Variants in SUCLG2 observed in about 807,000 individuals in gnomAD.
SUCLG2 encodes the protein succinate-CoA ligase GDP-forming subunit beta.
A neutral mutation model predicts 47.9 loss-of-function variants in SUCLG2; 42 were observed. That is an observed-to-expected ratio of 0.88 (90% CI 0.69 to 1.14). SUCLG2 has a LOEUF of 1.14. Ranked by LOEUF, SUCLG2 falls within the 50% of genes most tolerant of loss-of-function variation. The pLI is 0.00. For missense variants in SUCLG2, 571 were observed against 525.9 expected, an observed-to-expected ratio of 1.09 and a Z score of -0.84; for synonymous variants, 195 against 197.3, an observed-to-expected ratio of 0.99 and a Z score of 0.10.
intron 7 of SUCLG2, among the ~76,000 whole-genome samples, chr3:67,500,192 T>A (rs992330639): frequency 1.3e-5 from 2 of 152,272 alleles, no homozygotes; most frequent in South Asian, 2.1e-4. Flanking sequence ...GTGGCTATAA[T>A]CTCCTAATTA....
intron 2 of SUCLG2, among the ~76,000 whole-genome samples, chr3:67,584,129 G>A (rs1211887816): frequency 5.3e-5 from 8 of 152,180 alleles, no homozygotes; most frequent in African/African-American, 1.7e-4. Context: ...AATCGTGATA[G>A]CCAAAAATTC....
intron 10 of SUCLG2, 52 bp from the exon 11 acceptor site, chr3:67,375,911 A>G: frequency 6.3e-7 from 1 of 1,585,566 alleles, no homozygotes; most frequent in Non-Finnish European, 8.6e-7. Flanking sequence ...GTGGCGCCTT[A>G]TGAAGTTTGC....
At chr3:67,395,271 G>A (rs902303253) in intron 10 of SUCLG2, among the ~76,000 whole-genome samples, 8 of 152,040 alleles carry the variant, frequency 5.3e-5, no homozygotes, top group Non-Finnish European at 1.0e-4. Flanking sequence ...CTGTATTCAG[G>A]AAACCCATCT....
chr3:67,553,419 C>CA (rs895003488), intron 2 of SUCLG2, among the ~76,000 whole-genome samples: 3 of 152,180 alleles, frequency 2.0e-5, no homozygotes, highest in African/African-American at 7.2e-5. Context: ...GTTCAACTTG[C>CA]AAATCTTATC....
At chr3:67,591,688 C>G (rs991593543) in intron 2 of SUCLG2, among the ~76,000 whole-genome samples, 1 of 152,146 alleles carries the variant, frequency 6.6e-6, no homozygotes, top group African/African-American at 2.4e-5. Flanking sequence ...CCAATTAAAT[C>G]TTTTTTTCTT....
chr3:67,529,063 A>G (rs1370366720), intron 3 of SUCLG2, 24 bp downstream of exon 3: 1 of 1,579,316 alleles, frequency 6.3e-7, no homozygotes, highest in Non-Finnish European at 8.6e-7. Flanking sequence ...CCAAAAGACA[A>G]GGAATAACAA....
intron 9 of SUCLG2, among the ~76,000 whole-genome samples, chr3:67,443,234 G>C (rs1334426940): frequency 6.6e-6 from 1 of 152,070 alleles, no homozygotes; most frequent in Non-Finnish European, 1.5e-5. Flanking sequence ...CTGCAAGGGA[G>C]TCTGGAACCA....
chr3:67,518,431 GTAAT>G (rs770556386), intron 5 of SUCLG2, 95 bp from the exon 6 acceptor site: 575 of 1,146,252 alleles, frequency 5.0e-4, no homozygotes, highest in Non-Finnish European at 6.7e-4. Flanking sequence ...TTGCAAATGA[GTAAT>G]TAAAGTGTGG....
At chr3:67,399,741 C>G (rs7642811) in intron 10 of SUCLG2, among the ~76,000 whole-genome samples, 10,981 of 152,194 alleles carry the variant, frequency 0.072, 408 homozygotes, top group Middle Eastern at 0.14. Context: ...TAATGTGTAA[C>G]ACAGACCAAT....
intron 7 of SUCLG2, among the ~76,000 whole-genome samples, chr3:67,506,747 T>C (rs1277919297): frequency 1.3e-5 from 2 of 152,242 alleles, no homozygotes. Flanking sequence ...AAGCAATATA[T>C]GACCTTTAAG....
chr3:67,377,957 T>A (rs1027739907), intron 10 of SUCLG2, among the ~76,000 whole-genome samples: 10 of 152,144 alleles, frequency 6.6e-5, no homozygotes, highest in South Asian at 2.1e-4. Context: ...CCCAGCCAAA[T>A]CACTTCTTGA....
chr3:67,481,024 TG>T (rs200616041), intron 9 of SUCLG2, among the ~76,000 whole-genome samples: 5 of 104,704 alleles, frequency 4.8e-5, no homozygotes, highest in Non-Finnish European at 7.3e-5. Flanking sequence ...CTTATGACAC[TG>T]TTTTTTTTAC....
chr3:67,570,738 C>A (rs904515076), intron 2 of SUCLG2, among the ~76,000 whole-genome samples: 1 of 152,176 alleles, frequency 6.6e-6, no homozygotes. Flanking sequence ...GAGGGTAATG[C>A]ATCCTGACTC....
intron 2 of SUCLG2, among the ~76,000 whole-genome samples, chr3:67,591,436 T>G (rs1283857629): frequency 6.6e-6 from 1 of 152,178 alleles, no homozygotes; most frequent in Admixed American, 6.5e-5. Context: ...TCACCTTGAA[T>G]TGTATTTCCC....
At chr3:67,595,508 G>C (rs1708272834) in intron 2 of SUCLG2, among the ~76,000 whole-genome samples, 1 of 152,134 alleles carries the variant, frequency 6.6e-6, no homozygotes, top group Non-Finnish European at 1.5e-5. Flanking sequence ...TTGGGAGAAA[G>C]AGGGTGTGAA....
intron 9 of SUCLG2, among the ~76,000 whole-genome samples, chr3:67,402,226 A>G (rs754540833): frequency 1.6e-4 from 25 of 152,250 alleles, no homozygotes; most frequent in Non-Finnish European, 3.2e-4. Flanking sequence ...GAGGTAATAC[A>G]TGTGAAATGT....
intron 1 of SUCLG2, among the ~76,000 whole-genome samples, chr3:67,627,990 G>T (rs1045696857): frequency 6.6e-6 from 1 of 152,006 alleles, no homozygotes; most frequent in African/African-American, 2.4e-5. Context: ...AGTTAGTGGT[G>T]GTTTTTTTTG....
intron 9 of SUCLG2, among the ~76,000 whole-genome samples, chr3:67,454,943 C>T (rs1704147774): frequency 7.9e-6 from 1 of 127,106 alleles, no homozygotes; most frequent in Non-Finnish European, 1.6e-5. Flanking sequence ...GCCTGGGCGA[C>T]AGAGTGAGAC....
intron 10 of SUCLG2, among the ~76,000 whole-genome samples, chr3:67,396,966 T>G (rs1702545578): frequency 6.6e-6 from 1 of 151,804 alleles, no homozygotes; most frequent in African/African-American, 2.4e-5. Flanking sequence ...TTGACAAAAT[T>G]CAACAACCCT....
Sources: gnomAD v4.1 joint callset for allele counts (sites outside exome capture counted in the v4.1 genomes callset) on GRCh38, gnomAD v4.1.1 for gene constraint, MANE v1.5 for transcripts, NCBI Gene and HGNC (gene_info 2026-07-23, HGNC 2026-07-21) for gene names.